The following CLPB variants were observed in gnomAD, a reference collection of about 807,000 sequenced individuals.
CLPB encodes ClpB family mitochondrial disaggregase, also known as mitochondrial disaggregase.
CLPB carries 40 observed loss-of-function variants against 78.4 expected under a neutral mutation model. That is an observed-to-expected ratio of 0.51 (90% CI 0.40 to 0.66). The LOEUF (loss-of-function observed/expected upper bound fraction) is 0.66. Ranked by LOEUF, CLPB falls within the 30% of genes least tolerant of loss-of-function variation. The pLI is 0.00. For synonymous variants in CLPB, 333 were observed against 348.0 expected (o/e 0.96, Z 0.48); for missense variants, 780 against 886.9 (o/e 0.88, Z 1.53).
chr11:72,418,854 CA>C (rs913728201), intron 2 of CLPB, among the ~76,000 whole-genome samples: 1,577 of 75,256 alleles, frequency 0.021, 22 homozygotes, highest in African/African-American at 0.062. Flanking sequence ...ACTCCATCTC[CA>C]AAAAAAAAAA....
intron 2 of CLPB, among the ~76,000 whole-genome samples, chr11:72,403,432 C>A (rs1371779347): frequency 6.6e-6 from 1 of 152,190 alleles, no homozygotes; most frequent in Non-Finnish European, 1.5e-5. Context: ...CTCCCGGCTC[C>A]TTTGCCTATT....
At chr11:72,431,152 C>T (rs556451290) in intron 1 of CLPB, among the ~76,000 whole-genome samples, 56 of 152,338 alleles carry the variant, frequency 3.7e-4, no homozygotes, top group African/African-American at 1.2e-3. Context: ...AGCCTGCAGG[C>T]TGTTGCCACC....
rs569062173 is a variant in CLPB, at chr11:72,292,110, G to A, written c.*1257C>T. 1 of 151,238 alleles carries A rather than the reference G, an allele frequency of 6.6e-6. No individual in the cohort carries two copies. Among genetic ancestry groups the A allele is most frequent in the African/African-American group, 2.4e-5 (1 of 41,108 alleles). 9.4% of individuals were successfully genotyped at this position (151,238 alleles called of 1,614,324 possible). On this transcript the variant is annotated 3_prime_UTR_variant, in exon 16 of 16. Transcript: ENST00000538039. ...AGCAGCAGCCCCTGAGGGGTAGACA[G>A]TGATCCAAGCATCTGCTGGAGCTCA...
At chr11:72,298,773 C>T (rs1015036980) in intron 11 of CLPB, among the ~76,000 whole-genome samples, 2 of 152,232 alleles carry the variant, frequency 1.3e-5, no homozygotes, top group African/African-American at 4.8e-5. Context: ...GCTGGGATTA[C>T]AGGTGTGACC....
At chr11:72,367,838 G>A (rs1324910502) in intron 4 of CLPB, among the ~76,000 whole-genome samples, 1 of 151,898 alleles carries the variant, frequency 6.6e-6, no homozygotes, top group Non-Finnish European at 1.5e-5. Context: ...TGTGAGAGGA[G>A]AGGAAGAGAA....
At chr11:72,301,241 T>G (rs1372492209) in intron 11 of CLPB, among the ~76,000 whole-genome samples, 2 of 152,188 alleles carry the variant, frequency 1.3e-5, no homozygotes, top group East Asian at 3.8e-4. Flanking sequence ...AACTGGACAG[T>G]CTGTGAGAAC....
At chr11:72,396,398 CA>C (rs1446991529) in intron 3 of CLPB, among the ~76,000 whole-genome samples, 1 of 152,188 alleles carries the variant, frequency 6.6e-6, no homozygotes, top group Non-Finnish European at 1.5e-5. Context: ...AAGCCACCAC[CA>C]AGCCCAAGCA....
intron 5 of CLPB, among the ~76,000 whole-genome samples, chr11:72,348,215 T>C (rs1031330604): frequency 5.9e-5 from 9 of 152,216 alleles, no homozygotes; most frequent in African/African-American, 9.7e-5. Context: ...GAAGGGAGAC[T>C]TCCTTTCCAC....
chr11:72,300,527 A>G (rs1949636523), intron 11 of CLPB, among the ~76,000 whole-genome samples: 1 of 152,152 alleles, frequency 6.6e-6, no homozygotes, highest in Non-Finnish European at 1.5e-5. Flanking sequence ...GTTCAGGGGC[A>G]GGGAGCAGCT....
intron 7 of CLPB, among the ~76,000 whole-genome samples, chr11:72,316,560 G>C (rs1046958635): frequency 2.0e-5 from 3 of 152,208 alleles, no homozygotes; most frequent in African/African-American, 7.2e-5. Flanking sequence ...CTGGCTCCCA[G>C]GGATCAAAGT....
At chr11:72,346,338 T>C (rs1189287101) in intron 5 of CLPB, among the ~76,000 whole-genome samples, 2 of 152,196 alleles carry the variant, frequency 1.3e-5, no homozygotes, top group African/African-American at 4.8e-5. Flanking sequence ...CATATGTATA[T>C]ACATGTATGT....
intron 4 of CLPB, among the ~76,000 whole-genome samples, chr11:72,363,166 G>C (rs113493539): frequency 1.3e-5 from 2 of 148,500 alleles, no homozygotes; most frequent in African/African-American, 4.9e-5. Context: ...AAAAAAAAAA[G>C]AGAAAGTAAA....
chr11:72,340,143 C>CTCCT (rs1013478180), intron 5 of CLPB, among the ~76,000 whole-genome samples: 10 of 152,202 alleles, frequency 6.6e-5, no homozygotes, highest in African/African-American at 2.4e-4. Context: ...CATAAACATG[C>CTCCT]TCCTGCCGTT....
At chr11:72,338,237 C>T (rs1950357500) in intron 5 of CLPB, among the ~76,000 whole-genome samples, 1 of 152,176 alleles carries the variant, frequency 6.6e-6, no homozygotes, top group South Asian at 2.1e-4. Context: ...CCCTACCCCC[C>T]TGGTACAAGG....
intron 5 of CLPB, among the ~76,000 whole-genome samples, chr11:72,339,907 T>G (rs1464192003): frequency 1.3e-5 from 2 of 152,244 alleles, no homozygotes; most frequent in African/African-American, 4.8e-5. Flanking sequence ...TGCTTAAACT[T>G]ACTACTGGCT....
At chr11:72,416,034 T>C (rs1856012364) in intron 2 of CLPB, among the ~76,000 whole-genome samples, 1 of 152,174 alleles carries the variant, frequency 6.6e-6, no homozygotes, top group Non-Finnish European at 1.5e-5. Flanking sequence ...AGCCATGTAG[T>C]CCTAGAAGAC....
chr11:72,417,276 T>C (rs2135127703), intron 2 of CLPB, among the ~76,000 whole-genome samples: 1 of 152,334 alleles, frequency 6.6e-6, no homozygotes, highest in South Asian at 2.1e-4. Context: ...AAAGTACTGA[T>C]ATATGCTACA....
At chr11:72,378,420 G>T (rs1854787733) in intron 4 of CLPB, among the ~76,000 whole-genome samples, 1 of 152,188 alleles carries the variant, frequency 6.6e-6, no homozygotes, top group African/African-American at 2.4e-5. Flanking sequence ...GCAGTGGCAA[G>T]AGAAAAATGA....
chr11:72,310,255 G>A (rs1050959070), intron 7 of CLPB, among the ~76,000 whole-genome samples: 9 of 152,252 alleles, frequency 5.9e-5, no homozygotes, highest in African/African-American at 2.2e-4. Flanking sequence ...TGGAAGCTGT[G>A]CAAATTCATG....
Sources: allele counts gnomAD v4.1 joint callset (sites outside exome capture counted in the v4.1 genomes callset), GRCh38; gene constraint gnomAD v4.1.1; transcripts MANE v1.5; gene names NCBI Gene and HGNC (gene_info 2026-07-23, HGNC 2026-07-21).